KCND2: variants seen among roughly 807,000 people sequenced by gnomAD.
KCND2 encodes the protein A-type voltage-gated potassium channel KCND2.
A neutral mutation model predicts 54.4 loss-of-function variants in KCND2; 16 were observed. The ratio of observed to expected loss-of-function variants is 0.29; its 90% CI spans 0.20 to 0.45. KCND2 has a LOEUF of 0.45. Among genes scored for constraint, KCND2 ranks in the 20% least tolerant of loss-of-function variants. The pLI is 1.00. For synonymous variants in KCND2, 317 were observed against 310.7 expected, an observed-to-expected ratio of 1.02 and a Z score of -0.21; for missense variants, 486 against 824.2, an observed-to-expected ratio of 0.59 and a Z score of 5.02.
chr7:120,469,725 C>A (rs188461404), intron 1 of KCND2, among the ~76,000 whole-genome samples: 1 of 152,080 alleles, frequency 6.6e-6, no homozygotes, highest in Non-Finnish European at 1.5e-5. Flanking sequence ...ACAAATTTCT[C>A]CCATCTTCCC....
At chr7:120,419,508 C>T (rs1397461693) in intron 1 of KCND2, among the ~76,000 whole-genome samples, 1 of 152,160 alleles carries the variant, frequency 6.6e-6, no homozygotes, top group African/African-American at 2.4e-5. Flanking sequence ...TTTGACCAAG[C>T]AGCAGGATCC....
At position 120,479,801 on chromosome 7, in the gene KCND2, A is replaced by C. The variant is rs1158716164; in HGVS notation, c.1115+204054A>C. On this transcript the variant is annotated intron_variant, in intron 1 of 5. Coordinates refer to ENST00000331113, the MANE Select transcript of KCND2 (RefSeq NM_012281.3). ...ATATAAACTATACACACACACAAAAAAAAAAAAAAAAAAAAAAATTAGCCT... is the reference window on the plus strand; with the variant it reads ...ATATAAACTATACACACACACAAAACAAAAAAAAAAAAAAAAAATTAGCCT... Among the ~76,000 whole-genome samples the C allele has an allele frequency of 0.033, 4,434 of 133,916 alleles. 314 individuals are homozygous for C. The East Asian group carries it at 0.36, about 11-fold the overall frequency. 87.9% of individuals were successfully genotyped at this position (133,916 alleles called of 152,430 possible). A position where few individuals can be genotyped will look rare whatever the true frequency, so the allele number is the denominator to read the frequency against.
rs141960935 is a variant in KCND2 at position 120,283,511 on chromosome 7, A to G, written c.1115+7764A>G. 5.1e-3 allele frequency among the ~76,000 whole-genome samples: 771 copies of G among 152,230 alleles called. 7 individuals carry two copies. Among genetic ancestry groups the G allele is most frequent in the African/African-American group, 0.017 (696 of 41,544 alleles). ...TACCTTAGCTTAAAATTTATATCCA[A>G]TTATTCAGGAGATTATCTAAAAAAT... is the stretch of plus-strand genomic sequence containing the variant. On this transcript the variant is annotated intron_variant, in intron 1 of 5. Coordinates refer to ENST00000331113, the MANE Select transcript of KCND2 (RefSeq NM_012281.3).
At chr7:120,527,827 G>A (rs138412287) in intron 1 of KCND2, among the ~76,000 whole-genome samples, 2 of 152,086 alleles carry the variant, frequency 1.3e-5, no homozygotes, top group South Asian at 2.1e-4. Flanking sequence ...GGAAGTATAA[G>A]GACATGTTTA....
At chr7:120,412,366 CT>C (rs1487439651) in intron 1 of KCND2, among the ~76,000 whole-genome samples, 2 of 152,108 alleles carry the variant, frequency 1.3e-5, no homozygotes, top group African/African-American at 4.8e-5. Context: ...TTGTAAAGGT[CT>C]TGTGCCATTT....
rs1412701135 is a variant in KCND2, at chr7:120,275,641, A to G, written c.1009A>G (p.Ile337Val). The change falls in exon 1 of 6, where the codon ATC becomes GTC. Residue 337 changes from isoleucine to valine, a missense_variant. By Grantham distance (29) the Ile-to-Val change is conservative. Around this residue, in one of 7 missense-constraint regions of KCND2, gnomAD observed 23 missense variants for 33.7 expected, o/e 0.68. Transcript: ENST00000331113. ...TTTCTCGCTCACCATGGCTATCATC[A>G]TCTTCGCTACAGTTATGTTCTACGC... ...LLFSLTMAIIIFATVMFYAEK... is the reference protein window; with the variant it reads ...LLFSLTMAIIVFATVMFYAEK... 1.9e-6 allele frequency: 3 copies of G among 1,608,126 alleles called. No individual in the cohort carries two copies. The highest frequency in any genetic ancestry group is 1.3e-5 in the African/African-American group (1 of 74,818).
At chr7:120,662,085 A>G (rs1277215436) in intron 1 of KCND2, among the ~76,000 whole-genome samples, 1 of 152,190 alleles carries the variant, frequency 6.6e-6, no homozygotes, top group Non-Finnish European at 1.5e-5. Flanking sequence ...CACCCATGTC[A>G]GGCAAAACTT....
chr7:120,685,783 C>T (rs954986006), intron 1 of KCND2, among the ~76,000 whole-genome samples: 5 of 152,134 alleles, frequency 3.3e-5, no homozygotes, highest in African/African-American at 9.7e-5. Flanking sequence ...CTGACAAAGA[C>T]AAATTATTTT....
intron 1 of KCND2, among the ~76,000 whole-genome samples, chr7:120,351,244 GTATATATA>G (rs3067025): frequency 2.9e-5 from 4 of 137,352 alleles, no homozygotes; most frequent in Admixed American, 7.5e-5. Flanking sequence ...TTATATGTGT[GTATATATA>G]TATATATATA....
intron 1 of KCND2, among the ~76,000 whole-genome samples, chr7:120,360,854 A>C (rs1430373470): frequency 6.6e-6 from 1 of 152,038 alleles, no homozygotes; most frequent in Admixed American, 6.6e-5. Context: ...ACTTTTACTT[A>C]TTTACTTCAT....
intron 1 of KCND2, among the ~76,000 whole-genome samples, chr7:120,506,380 C>T (rs1252089040): frequency 6.6e-6 from 1 of 151,738 alleles, no homozygotes; most frequent in Non-Finnish European, 1.5e-5. Context: ...ACTTATGGAC[C>T]AATTAGCTCC....
intron 1 of KCND2, among the ~76,000 whole-genome samples, chr7:120,687,609 A>C (rs540600801): frequency 5.1e-4 from 78 of 152,212 alleles, no homozygotes; most frequent in African/African-American, 1.8e-3. Flanking sequence ...TGAGCCCAGG[A>C]GTCTGAGACC....
chr7:120,440,255 T>A (rs995442114), intron 1 of KCND2, among the ~76,000 whole-genome samples: 3 of 152,084 alleles, frequency 2.0e-5, no homozygotes, highest in Non-Finnish European at 2.9e-5. Flanking sequence ...TTAGGATTTT[T>A]AAAATATATC....
intron 1 of KCND2, among the ~76,000 whole-genome samples, chr7:120,689,190 T>A (rs944740598): frequency 2.6e-5 from 4 of 152,168 alleles, no homozygotes; most frequent in Admixed American, 2.6e-4. Context: ...CAATATCACA[T>A]TGCATTTTTA....
intron 1 of KCND2, among the ~76,000 whole-genome samples, chr7:120,424,349 A>G (rs1801670751): frequency 6.6e-6 from 1 of 152,206 alleles, no homozygotes; most frequent in African/African-American, 2.4e-5. Flanking sequence ...GACATGAGAT[A>G]AAGTATGTAT....
intron 1 of KCND2, among the ~76,000 whole-genome samples, chr7:120,341,452 T>C (rs1301199113): frequency 6.6e-6 from 1 of 152,124 alleles, no homozygotes; most frequent in Non-Finnish European, 1.5e-5. Flanking sequence ...TAATGAAAGA[T>C]GTTAAGGGGC....
intron 4 of KCND2, among the ~76,000 whole-genome samples, chr7:120,743,052 A>T: frequency 6.6e-6 from 1 of 152,212 alleles, no homozygotes; most frequent in East Asian, 1.9e-4. Context: ...TTCATTCACA[A>T]CCATAATGAA....
rs544352754 is a variant in KCND2 at position 120,410,917 on chromosome 7, G to A, written c.1115+135170G>A. Among the ~76,000 whole-genome samples the A allele has an allele frequency of 4.6e-5, 7 of 152,028 alleles. No homozygotes were observed. In the South Asian group the frequency reaches 1.5e-3, roughly 32 times the overall value. ...CTGCATAGCATTCCATGGTGTATATGTGCCACATTTTCTTAATCCAGATTA... is the reference window on the plus strand; with the variant it reads ...CTGCATAGCATTCCATGGTGTATATATGCCACATTTTCTTAATCCAGATTA... On this transcript the variant is annotated intron_variant, in intron 1 of 5. Coordinates refer to ENST00000331113, the MANE Select transcript of KCND2 (RefSeq NM_012281.3).
At chr7:120,568,919 A>T (rs1360291880) in intron 1 of KCND2, among the ~76,000 whole-genome samples, 2 of 152,106 alleles carry the variant, frequency 1.3e-5, no homozygotes, top group African/African-American at 4.8e-5. Context: ...TCCCCTCGCA[A>T]TTCTTAGAAT....
Sources: allele counts gnomAD v4.1 joint callset (sites outside exome capture counted in the v4.1 genomes callset), GRCh38; gene constraint gnomAD v4.1.1; regional missense constraint gnomAD v4.1.1; transcripts MANE v1.5; gene names NCBI Gene and HGNC (gene_info 2026-07-23, HGNC 2026-07-21).